The following MPHOSPH9 variants were observed in gnomAD, a reference collection of about 807,000 sequenced individuals.
The protein encoded by MPHOSPH9 is M-phase phosphoprotein 9.
Under a neutral mutation model 145.5 loss-of-function variants are expected in MPHOSPH9, and 88 were observed. The observed-to-expected ratio is 0.60, with a 90% CI of 0.51 to 0.72. The LOEUF (loss-of-function observed/expected upper bound fraction) is 0.72. MPHOSPH9 is among the 30% of genes least tolerant of loss of function. The pLI, the probability that MPHOSPH9 is intolerant of heterozygous loss-of-function variation, is 0.00. For missense variants in MPHOSPH9, 1,238 were observed against 1,386.6 expected, an observed-to-expected ratio of 0.89 and a Z score of 1.70; for synonymous variants, 435 against 486.2, an observed-to-expected ratio of 0.89 and a Z score of 1.39.
intron 15 of MPHOSPH9, among the ~76,000 whole-genome samples, chr12:123,177,328 G>T (rs1267339272): frequency 6.6e-6 from 1 of 152,094 alleles, no homozygotes; most frequent in South Asian, 2.1e-4. Context: ...GATGTCAGGA[G>T]TTCGAGCCCA....
Position 123,161,340 on chromosome 12 carries a change from A to G in MPHOSPH9, c.3177T>C (p.His1059=). 1.2e-6 allele frequency: 2 copies of G among 1,614,110 alleles called. No homozygotes were observed. Among genetic ancestry groups the G allele is most frequent in the Non-Finnish European group, 1.7e-6 (2 of 1,179,984 alleles). The change falls in exon 22 of 24, where the codon CAT becomes CAC. Residue 1059 remains histidine (H), a synonymous_variant. Coordinates refer to ENST00000606320, the MANE Select transcript of MPHOSPH9 (RefSeq NM_022782.4). ...TTGGCACCGGTTCAGGGCAAGAGCTATGATTAACATGGTTATCGGTGGCTT... is the reference window on the plus strand; with the variant it reads ...TTGGCACCGGTTCAGGGCAAGAGCTGTGATTAACATGGTTATCGGTGGCTT... ...SEKATDNHVN[H]SSCPEPVPNG...
intron 5 of MPHOSPH9, 32 bp downstream of exon 5, chr12:123,221,340 A>C (rs2047193545): frequency 6.7e-7 from 1 of 1,484,354 alleles, no homozygotes; most frequent in African/African-American, 1.4e-5. Flanking sequence ...AAATGTAATA[A>C]ACTCCCTTCA....
At chr12:123,222,809 G>GGGCA (rs1418344414) in intron 4 of MPHOSPH9, among the ~76,000 whole-genome samples, 1 of 152,056 alleles carries the variant, frequency 6.6e-6, no homozygotes, top group African/African-American at 2.4e-5. Context: ...GTTGGCAGGT[G>GGGCA]CCTGTAATCT....
chr12:123,243,244 T>C (rs1238246232), intron 1 of MPHOSPH9, among the ~76,000 whole-genome samples: 1 of 152,016 alleles, frequency 6.6e-6, no homozygotes, highest in Admixed American at 6.6e-5. Context: ...AATTTTTTTT[T>C]TTTTGGCTGG....
intron 5 of MPHOSPH9, among the ~76,000 whole-genome samples, chr12:123,219,716 A>G (rs1455913522): frequency 6.6e-6 from 1 of 152,200 alleles, no homozygotes; most frequent in Non-Finnish European, 1.5e-5. Flanking sequence ...TTGAACATAC[A>G]TAAGATTTGT....
At chr12:123,157,054 T>A (rs575357830) in intron 23 of MPHOSPH9, 146 bp from the exon 24 acceptor site, 1 of 535,920 alleles carries the variant, frequency 1.9e-6, no homozygotes, top group East Asian at 2.8e-5. Flanking sequence ...CATCTTATGA[T>A]TTCTTTTAAA....
chr12:123,158,450 T>A (rs2043962260), intron 23 of MPHOSPH9, among the ~76,000 whole-genome samples: 1 of 152,128 alleles, frequency 6.6e-6, no homozygotes, highest in African/African-American at 2.4e-5. Context: ...AAAAAAATTT[T>A]AAAAATTAGC....
chr12:123,230,741 G>A (rs1287906972), intron 1 of MPHOSPH9, among the ~76,000 whole-genome samples: 4 of 152,160 alleles, frequency 2.6e-5, no homozygotes, highest in Non-Finnish European at 5.9e-5. Context: ...ATAGGATTCA[G>A]CCATAAAAAG....
Position 123,202,767 on chromosome 12 carries a change from A to G in MPHOSPH9, c.1638T>C (p.Asp546=). 6.2e-7 allele frequency: 1 copy of G among 1,614,206 alleles called. No individual in the cohort carries two copies. Among genetic ancestry groups the G allele is most frequent in the Non-Finnish European group, 8.5e-7 (1 of 1,180,042 alleles). ...FPSVYTITSN[D]ISVNTVDEEN... ...CTTCATCTACAGTGTTGACCGAGATATCATTACTAGTAATGGTATATACTG... is the reference window on the plus strand; with the variant it reads ...CTTCATCTACAGTGTTGACCGAGATGTCATTACTAGTAATGGTATATACTG... The change falls in exon 10 of 24, where the codon GAT becomes GAC. Residue 546 remains aspartate, a synonymous_variant. Transcript: ENST00000606320.
intron 1 of MPHOSPH9, among the ~76,000 whole-genome samples, chr12:123,239,540 C>G (rs1179831902): frequency 1.3e-5 from 2 of 152,052 alleles, no homozygotes; most frequent in South Asian, 2.1e-4. Flanking sequence ...GTAGCTGGGA[C>G]TACAGCTACG....
chr12:123,216,882 G>A (rs939907792), intron 6 of MPHOSPH9, among the ~76,000 whole-genome samples: 9 of 151,786 alleles, frequency 5.9e-5, no homozygotes, highest in African/African-American at 1.9e-4. Flanking sequence ...CCAGCTAATC[G>A]AGAGGCCGAG....
intron 23 of MPHOSPH9, 149 bp from the exon 24 acceptor site, chr12:123,157,057 C>T: frequency 3.8e-6 from 2 of 530,124 alleles, no homozygotes; most frequent in Non-Finnish European, 3.3e-6. Context: ...CTTATGATTT[C>T]TTTTAAACTG....
Position 123,198,339 on chromosome 12 carries a change from A to C in MPHOSPH9, c.1938-5T>G, listed in dbSNP as rs1200189772. ...GCACTATCTAATTGGCCACATCTAA[A>C]AACCATAAATTTAGCTTCAATTAGA... On this transcript the variant is annotated splice_region_variant and splice_polypyrimidine_tract_variant and intron_variant, in intron 11 of 23. Coordinates refer to ENST00000606320, the MANE Select transcript of MPHOSPH9 (RefSeq NM_022782.4). 6.2e-7 allele frequency: 1 copy of C among 1,607,232 alleles called. No homozygotes were observed. The highest frequency in any genetic ancestry group is 2.2e-5 in the East Asian group (1 of 44,718).
At chr12:123,192,448 C>T (rs747782112) in intron 13 of MPHOSPH9, among the ~76,000 whole-genome samples, 40 of 145,034 alleles carry the variant, frequency 2.8e-4, no homozygotes, top group Non-Finnish European at 4.8e-4. Context: ...AGCAAGACTC[C>T]ATCTCAAAAA....
At chr12:123,211,134 A>C (rs2046695265) in intron 7 of MPHOSPH9, among the ~76,000 whole-genome samples, 1 of 151,764 alleles carries the variant, frequency 6.6e-6, no homozygotes, top group Non-Finnish European at 1.5e-5. Context: ...ACAGGAATGC[A>C]CCATCACGCC....
At chr12:123,183,547 CAAAAAAAAAAAAA>C (rs746928699) in intron 13 of MPHOSPH9, among the ~76,000 whole-genome samples, 1 of 59,990 alleles carries the variant, frequency 1.7e-5, no homozygotes, top group Admixed American at 2.5e-4. Flanking sequence ...GACTCTGTCT[CAAAAAAAAAAAAA>C]AAAAAAAAAA....
At chr12:123,243,265 T>C (rs2138761441) in intron 1 of MPHOSPH9, among the ~76,000 whole-genome samples, 1 of 150,352 alleles carries the variant, frequency 6.7e-6, no homozygotes, top group East Asian at 2.1e-4. Flanking sequence ...GCGCAATGGC[T>C]CACGCCTGTA....
At chr12:123,184,498 A>ATTTTT (rs35180953) in intron 13 of MPHOSPH9, among the ~76,000 whole-genome samples, 4 of 145,498 alleles carry the variant, frequency 2.7e-5, no homozygotes, top group Non-Finnish European at 6.0e-5. Context: ...CTTTAATTTA[A>ATTTTT]TTTTTTTTTT....
At chr12:123,178,873 C>T (rs944937117) in intron 15 of MPHOSPH9, among the ~76,000 whole-genome samples, 2 of 152,166 alleles carry the variant, frequency 1.3e-5, no homozygotes, top group African/African-American at 2.4e-5. Context: ...ATTTACGATT[C>T]TGTCCCTACC....
Sources: gnomAD v4.1 joint callset for allele counts (sites outside exome capture counted in the v4.1 genomes callset) on GRCh38, gnomAD v4.1.1 for gene constraint, MANE v1.5 for transcripts, NCBI Gene and HGNC (gene_info 2026-07-23, HGNC 2026-07-21) for gene names.